The following TEX11 variants were observed in gnomAD, a reference collection of about 807,000 sequenced individuals.
The protein encoded by TEX11 is testis expressed 11.
TEX11 carries 7 observed loss-of-function variants against 84.4 expected under a neutral mutation model. The observed-to-expected ratio is 0.08, with a 90% confidence interval of 0.05 to 0.16. The LOEUF (loss-of-function observed/expected upper bound fraction) is 0.16, where lower values mean the gene tolerates loss of function less well. TEX11 is among the 10% of genes least tolerant of loss of function. The pLI is 1.00. For missense variants in TEX11, 551 were observed against 660.5 expected, an observed-to-expected ratio of 0.83 and a Z score of 1.82; for synonymous variants, 264 against 222.8, an observed-to-expected ratio of 1.18 and a Z score of -1.64.
intron 9 of TEX11, among the ~76,000 whole-genome samples, chrX:70,798,886 T>G (rs1300236856): frequency 1.1e-5 from 1 of 91,005 alleles, no homozygotes; most frequent in Non-Finnish European, 2.4e-5. Flanking sequence ...AACTGTAAAA[T>G]TACTAGAAGA....
At chrX:70,535,937 A>G (rs2087952475) in intron 28 of TEX11, among the ~76,000 whole-genome samples, 1 of 110,637 alleles carries the variant, frequency 9.0e-6, no homozygotes, top group Non-Finnish European at 1.9e-5. Context: ...TGTGCTATTT[A>G]TTAATTCATG....
intron 13 of TEX11, among the ~76,000 whole-genome samples, chrX:70,706,724 A>G (rs2090380634): frequency 9.0e-6 from 1 of 111,402 alleles, no homozygotes. Context: ...CCTAGCAACA[A>G]AATGACTGGT....
At chrX:70,809,707 T>A (rs2091240645) in intron 8 of TEX11, among the ~76,000 whole-genome samples, 1 of 110,684 alleles carries the variant, frequency 9.0e-6, no homozygotes, top group African/African-American at 3.3e-5. Flanking sequence ...TTAGTTTTGT[T>A]TTGTTTTTTG....
At chrX:70,567,006 A>G (rs2088493592) in intron 25 of TEX11, among the ~76,000 whole-genome samples, 1 of 111,749 alleles carries the variant, frequency 8.9e-6, no homozygotes, top group Non-Finnish European at 1.9e-5. Context: ...TACCTCTGGT[A>G]GAATTCGGCT....
intron 8 of TEX11, among the ~76,000 whole-genome samples, chrX:70,812,454 G>A (rs1197362079): frequency 5.4e-5 from 6 of 110,659 alleles, no homozygotes; most frequent in Admixed American, 1.9e-4. Context: ...TGATCTGCCC[G>A]TCTCGGCCTC....
intron 9 of TEX11, among the ~76,000 whole-genome samples, chrX:70,764,545 T>A (rs1241237106): frequency 1.8e-5 from 2 of 110,436 alleles, no homozygotes; most frequent in Non-Finnish European, 3.8e-5. Context: ...AAAAATGCGG[T>A]TTTTTGAAAA....
intron 28 of TEX11, among the ~76,000 whole-genome samples, chrX:70,534,232 A>T (rs989055348): frequency 9.0e-6 from 1 of 110,925 alleles, no homozygotes; most frequent in Non-Finnish European, 1.9e-5. Flanking sequence ...AAGGTGTGTA[A>T]CTTGAACTAG....
At chrX:70,788,221 A>C (rs751772550) in intron 9 of TEX11, among the ~76,000 whole-genome samples, 2 of 112,107 alleles carry the variant, frequency 1.8e-5, no homozygotes, top group East Asian at 2.8e-4. Flanking sequence ...CAATGAGCAA[A>C]AAGAATACAG....
In TEX11 at chrX:70,606,798, TA is replaced by T. The variant is rs776196563; in HGVS notation, c.1950+160del. On this transcript the variant is annotated intron_variant, in intron 23 of 29. Transcript: ENST00000374333. ...TGCCCCACATTCTTATGTTATACCC[TA>T]AAAGGAACAAATTCTTCTTAGGTCA... is the stretch of plus-strand genomic sequence containing the variant. Among the ~76,000 whole-genome samples, 124 of 111,808 alleles carry T rather than the reference TA, an allele frequency of 1.1e-3. 1 individual carries two copies. The highest frequency in any genetic ancestry group is 1.8e-3 in the Non-Finnish European group (94 of 53,087).
At chrX:70,661,306 A>G (rs1180272400) in intron 16 of TEX11, among the ~76,000 whole-genome samples, 1 of 112,341 alleles carries the variant, frequency 8.9e-6, no homozygotes, top group Non-Finnish European at 1.9e-5. Context: ...ATCAAACTGC[A>G]AGGCGGCAGC....
chrX:70,862,415 T>A (rs758061282), intron 4 of TEX11, among the ~76,000 whole-genome samples: 2 of 111,730 alleles, frequency 1.8e-5, no homozygotes, highest in African/African-American at 6.5e-5. Flanking sequence ...TAATTAATAG[T>A]CCTTTGAAAA....
At chrX:70,627,057 A>G (rs2089458189) in intron 18 of TEX11, among the ~76,000 whole-genome samples, 1 of 112,518 alleles carries the variant, frequency 8.9e-6, no homozygotes, top group South Asian at 3.7e-4. Flanking sequence ...TGATAGGTCA[A>G]ATACAATGAG....
the TEX11 span, among the ~76,000 whole-genome samples, chrX:70,518,765 G>T: frequency 9.0e-6 from 1 of 111,599 alleles, no homozygotes; most frequent in African/African-American, 3.3e-5. Context: ...AAGTCTCTTT[G>T]TAGATCTCTA....
intron 7 of TEX11, among the ~76,000 whole-genome samples, chrX:70,840,901 A>C (rs975939509): frequency 9.0e-6 from 1 of 111,283 alleles, no homozygotes; most frequent in Non-Finnish European, 1.9e-5. Context: ...ACATAATGGT[A>C]AAGGGATCAA....
intron 9 of TEX11, among the ~76,000 whole-genome samples, chrX:70,769,465 T>C (rs2090959550): frequency 9.0e-6 from 1 of 111,669 alleles, no homozygotes; most frequent in South Asian, 3.8e-4. Flanking sequence ...CTCAAACAAG[T>C]CTCAAGCTCC....
In TEX11 at chrX:70,679,013, C is replaced by G. The variant is rs1046495303; in HGVS notation, c.1157-124G>C. ...TCTCTCCACGGTCTCCCTCTGATGC[C>G]GAGCTGAAGCTGGACGGTACTGCTG... On this transcript the variant is annotated intron_variant, in intron 14 of 29. Transcript: ENST00000374333. The G allele has an allele frequency of 1.1e-4, 61 of 547,289 alleles. No homozygotes were observed. In the African/African-American group the frequency reaches 1.1e-3, roughly 10 times the overall value. 45.1% of individuals were successfully genotyped at this position (547,289 alleles called of 1,213,427 possible).
At chrX:70,643,166 C>G (rs1228888726) in intron 17 of TEX11, among the ~76,000 whole-genome samples, 2 of 92,256 alleles carry the variant, frequency 2.2e-5, no homozygotes, top group Admixed American at 2.5e-4. Context: ...AACTCCCATT[C>G]ACAATTGCTT....
chrX:70,693,193 A>G lies in TEX11; in HGVS notation c.1005-10368T>C, dbSNP rs994164114. Reference sequence around the variant, plus strand: ...GAGAAGGAGATTGCAGTGAGCAGAGATTGCACCATTGCACTCCAGCCTGGG... The same window carrying G: ...GAGAAGGAGATTGCAGTGAGCAGAGGTTGCACCATTGCACTCCAGCCTGGG... On this transcript the variant is annotated intron_variant, in intron 13 of 29. Transcript: ENST00000374333. Among the ~76,000 whole-genome samples, 5 of 111,230 alleles carry G rather than the reference A, an allele frequency of 4.5e-5. No individual in the cohort carries two copies. In the Admixed American group the frequency reaches 4.8e-4, roughly 11 times the overall value.
chrX:70,833,449 T>C, intron 8 of TEX11, 64 bp downstream of exon 8: 1 of 940,924 alleles, frequency 1.1e-6, no homozygotes, highest in Non-Finnish European at 1.5e-6. Context: ...GAAGTAGTAA[T>C]GATTCTTCCT....
Sources: gnomAD v4.1 joint callset for allele counts (sites outside exome capture counted in the v4.1 genomes callset) on GRCh38, gnomAD v4.1.1 for gene constraint, MANE v1.5 for transcripts, NCBI Gene and HGNC (gene_info 2026-07-23, HGNC 2026-07-21) for gene names.